The following COMMD10 variants were observed in gnomAD, a reference collection of about 807,000 sequenced individuals.
COMMD10 encodes COMM domain containing 10.
A neutral mutation model predicts 28.9 loss-of-function variants in COMMD10; 33 were observed. The observed-to-expected ratio is 1.14, with a 90% CI of 0.87 to 1.53. The LOEUF is 1.53. Ranked by LOEUF, COMMD10 falls within the 40% of genes most tolerant of loss-of-function variation. The pLI, the probability that COMMD10 is intolerant of heterozygous loss-of-function variation, is 0.00. For synonymous variants in COMMD10, 110 were observed against 81.7 expected, an observed-to-expected ratio of 1.35 and a Z score of -1.87; for missense variants, 310 against 233.4, an observed-to-expected ratio of 1.33 and a Z score of -2.14.
In COMMD10 at chr5:116,134,190, T is replaced by C. The variant is rs775682728; in HGVS notation, c.510+12T>C. The C allele has an allele frequency of 1.7e-5, 24 of 1,437,236 alleles. No homozygotes were observed. The East Asian group carries it at 4.5e-4, about 27-fold the overall frequency. 89.0% of individuals were successfully genotyped at this position (1,437,236 alleles called of 1,614,324 possible). ...ATGAAGATTCAAAGGTAAGAAATGGTATCCCATTAAAAGGATGTATTTTGT... is the reference window on the plus strand; with the variant it reads ...ATGAAGATTCAAAGGTAAGAAATGGCATCCCATTAAAAGGATGTATTTTGT... On this transcript the variant is annotated intron_variant, in intron 5 of 6. Transcript: ENST00000274458.
intron 5 of COMMD10, among the ~76,000 whole-genome samples, chr5:116,246,012 G>T (rs1222016604): frequency 6.6e-6 from 1 of 152,094 alleles, no homozygotes; most frequent in African/African-American, 2.4e-5. Context: ...AAGAAATAAA[G>T]GGCATCCAAA....
At chr5:116,184,286 C>T (rs1748069981) in intron 5 of COMMD10, among the ~76,000 whole-genome samples, 1 of 141,744 alleles carries the variant, frequency 7.1e-6, no homozygotes. Flanking sequence ...TTTACATTTT[C>T]TTTATTTTTC....
intron 5 of COMMD10, among the ~76,000 whole-genome samples, chr5:116,244,169 G>C (rs1749882395): frequency 1.6e-5 from 1 of 64,100 alleles, no homozygotes; most frequent in Non-Finnish European, 2.6e-5. Flanking sequence ...AGAAAATATA[G>C]GTTGAGGTAG....
intron 1 of COMMD10, 189 bp downstream of exon 1, chr5:116,085,282 C>T: frequency 3.4e-6 from 2 of 594,476 alleles, no homozygotes; most frequent in Non-Finnish European, 2.9e-6. Flanking sequence ...AGCGCCTCTA[C>T]AGTCACGGTG....
chr5:116,241,997 C>T (rs1167518913), intron 5 of COMMD10, among the ~76,000 whole-genome samples: 1 of 152,164 alleles, frequency 6.6e-6, no homozygotes, highest in Non-Finnish European at 1.5e-5. Flanking sequence ...TTAATAGTTT[C>T]TGTCTTACAT....
chr5:116,110,951 A>G lies in COMMD10; in HGVS notation c.399+18251A>G, dbSNP rs530445680. Among the ~76,000 whole-genome samples, 10 of 152,250 alleles carry G rather than the reference A, an allele frequency of 6.6e-5. 1 individual carries two copies. In the South Asian group the frequency reaches 2.1e-3, roughly 32 times the overall value. ...CCTCCCATCAGGCCCCACCTCCAAC[A>G]TTGGGTATTACATTTCAATATGAGA... is the stretch of plus-strand genomic sequence containing the variant. On this transcript the variant is annotated intron_variant, in intron 4 of 6. Transcript: ENST00000274458.
chr5:116,141,411 G>A (rs997380656), intron 5 of COMMD10, among the ~76,000 whole-genome samples: 1 of 151,554 alleles, frequency 6.6e-6, no homozygotes, highest in Middle Eastern at 3.4e-3. Context: ...TATTCCATGC[G>A]AATTTTAGAA....
intron 4 of COMMD10, among the ~76,000 whole-genome samples, chr5:116,129,731 A>G (rs1751800662): frequency 2.2e-5 from 1 of 45,120 alleles, no homozygotes; most frequent in South Asian, 5.0e-4. Flanking sequence ...ACTATATACT[A>G]TGTGATATAC....
chr5:116,268,731 A>T (rs1245039875), intron 5 of COMMD10, among the ~76,000 whole-genome samples: 2 of 151,950 alleles, frequency 1.3e-5, no homozygotes, highest in Admixed American at 6.6e-5. Context: ...GATTAAGAAA[A>T]TGTGACACAC....
At chr5:116,125,799 C>A (rs1055713293) in intron 4 of COMMD10, among the ~76,000 whole-genome samples, 1 of 151,480 alleles carries the variant, frequency 6.6e-6, no homozygotes, top group Non-Finnish European at 1.5e-5. Context: ...TTCATTTGAT[C>A]GTCAGTCACT....
At chr5:116,265,030 G>C (rs1332338779) in intron 5 of COMMD10, among the ~76,000 whole-genome samples, 1 of 151,678 alleles carries the variant, frequency 6.6e-6, no homozygotes, top group Non-Finnish European at 1.5e-5. Flanking sequence ...CTCTGGATTT[G>C]GTCACCAGTG....
intron 5 of COMMD10, among the ~76,000 whole-genome samples, chr5:116,253,871 G>A (rs1393953183): frequency 4.4e-4 from 66 of 149,536 alleles, no homozygotes; most frequent in African/African-American, 1.6e-3. Context: ...CAGAAGGAAT[G>A]GTACTAGTTC....
intron 5 of COMMD10, among the ~76,000 whole-genome samples, chr5:116,177,907 G>A (rs1747781617): frequency 6.6e-6 from 1 of 152,032 alleles, no homozygotes; most frequent in Non-Finnish European, 1.5e-5. Context: ...CATAGTGGGT[G>A]CTTAATAAAC....
intron 5 of COMMD10, among the ~76,000 whole-genome samples, chr5:116,137,115 A>G (rs530287751): frequency 1.3e-5 from 2 of 152,202 alleles, no homozygotes; most frequent in East Asian, 1.9e-4. Flanking sequence ...GCCTGGAATT[A>G]CTGCTCTTTC....
chr5:116,159,357 C>G (rs1318659617), intron 5 of COMMD10, among the ~76,000 whole-genome samples: 1 of 152,190 alleles, frequency 6.6e-6, no homozygotes, highest in Non-Finnish European at 1.5e-5. Context: ...ATTTCCTCCT[C>G]TAGAATGCTT....
intron 5 of COMMD10, among the ~76,000 whole-genome samples, chr5:116,145,595 ACT>A (rs1461420249): frequency 1.3e-5 from 2 of 151,652 alleles, no homozygotes; most frequent in East Asian, 3.9e-4. Flanking sequence ...ACCTAGCCAT[ACT>A]CTCTGATGTG....
At chr5:116,159,555 A>G (rs1362081832) in intron 5 of COMMD10, among the ~76,000 whole-genome samples, 1 of 152,204 alleles carries the variant, frequency 6.6e-6, no homozygotes, top group Non-Finnish European at 1.5e-5. Flanking sequence ...GCTCTGGACA[A>G]AGTCAGTGAT....
chr5:116,221,423 T>C (rs1456587485), intron 5 of COMMD10, among the ~76,000 whole-genome samples: 1 of 152,192 alleles, frequency 6.6e-6, no homozygotes, highest in Non-Finnish European at 1.5e-5. Context: ...ATTGGTCCGT[T>C]ACTGTAGATC....
At chr5:116,240,497 A>G (rs1474685027) in intron 5 of COMMD10, among the ~76,000 whole-genome samples, 1 of 152,208 alleles carries the variant, frequency 6.6e-6, no homozygotes, top group Non-Finnish European at 1.5e-5. Context: ...AATGCTTTCT[A>G]GTCAAATATT....
Sources: allele counts gnomAD v4.1 joint callset (sites outside exome capture counted in the v4.1 genomes callset), GRCh38; gene constraint gnomAD v4.1.1; transcripts MANE v1.5; gene names NCBI Gene and HGNC (gene_info 2026-07-23, HGNC 2026-07-21).